Variants in CNGB1 observed in about 807,000 individuals in gnomAD.
CNGB1 encodes the protein cyclic nucleotide gated channel subunit beta 1.
In CNGB1, 126 loss-of-function variants were observed where a neutral mutation model predicts 151.7. The observed-to-expected ratio is 0.83, with a 90% CI of 0.72 to 0.96. The LOEUF (loss-of-function observed/expected upper bound fraction) is 0.96, where lower values mean the gene tolerates loss of function less well. Among genes scored for constraint, CNGB1 ranks in the 40% least tolerant of loss-of-function variants. The pLI, the probability that CNGB1 is intolerant of heterozygous loss-of-function variation, is 0.00. For missense variants in CNGB1, 1,698 were observed against 1,627.0 expected (o/e 1.04, Z -0.75); for synonymous variants, 623 against 635.1 (o/e 0.98, Z 0.29).
intron 14 of CNGB1, among the ~76,000 whole-genome samples, chr16:57,943,190 A>T (rs373631183): frequency 2.0e-5 from 3 of 152,212 alleles, no homozygotes; most frequent in African/African-American, 7.2e-5. Flanking sequence ...CTCAATTGTA[A>T]GGAAAAAAAC....
intron 32 of CNGB1, 36 bp downstream of exon 32, chr16:57,887,818 GA>G: frequency 6.2e-7 from 1 of 1,601,630 alleles, no homozygotes; most frequent in Non-Finnish European, 8.5e-7. Flanking sequence ...GACACATATT[GA>G]AATGAACGTG....
chr16:57,945,041 C>T (rs944501685), intron 14 of CNGB1, among the ~76,000 whole-genome samples: 1 of 151,148 alleles, frequency 6.6e-6, no homozygotes, highest in Non-Finnish European at 1.5e-5. Context: ...TCTCACATAA[C>T]CCTGACAGAT....
Position 57,917,440 on chromosome 16 carries a change from A to G in CNGB1, c.1994T>C (p.Met665Thr), listed in dbSNP as rs1960900900. Residue 665 changes from methionine (M) to threonine (T), a missense_variant, in exon 21 of 33, where the codon ATG (methionine) becomes ACG (threonine). Physicochemically the swap from Met to Thr is moderately conservative, Grantham distance 81. Transcript: ENST00000251102. Reference sequence around the variant, plus strand: ...CAGCCAACAGTTCCAATTCCAGGCCATCACCACGAAGAACAGCCATAGGAC... The same window carrying G: ...CAGCCAACAGTTCCAATTCCAGGCCGTCACCACGAAGAACAGCCATAGGAC... ...MYVLWLFFVV[M>T]AWNWNCWLIP... 3.1e-6 allele frequency: 5 copies of G among 1,614,040 alleles called. No individual in the cohort carries two copies. The South Asian group carries it at 4.4e-5, about 14-fold the overall frequency.
rs753253429 is a variant in CNGB1 at position 57,887,931 on chromosome 16, A to G, written c.3386T>C (p.Leu1129Pro). Residue 1129 changes from leucine (L) to proline (P), a missense_variant, in exon 32 of 33, where the codon CTT (leucine) becomes CCT (proline). Transcript: ENST00000251102. Reference sequence around the variant, plus strand: ...TTTGAGCCGGGCCCGGAGGTGAGCAAGTTTGCCGCCTTTTGCCCCCTTGCC... The same window carrying G: ...TTTGAGCCGGGCCCGGAGGTGAGCAGGTTTGCCGCCTTTTGCCCCCTTGCC... ...MGGKGAKGGKLAHLRARLKEL... is the reference protein window; with the variant it reads ...MGGKGAKGGKPAHLRARLKEL... The G allele has an allele frequency of 6.2e-7, 1 of 1,614,182 alleles. No individual in the cohort carries two copies. Among genetic ancestry groups the G allele is most frequent in the Non-Finnish European group, 8.5e-7 (1 of 1,180,032 alleles).
chr16:57,943,642 C>T (rs1471115515), intron 14 of CNGB1, among the ~76,000 whole-genome samples: 10 of 152,176 alleles, frequency 6.6e-5, no homozygotes, highest in Non-Finnish European at 1.3e-4. Context: ...TGCACTCCAG[C>T]TGTCTGTCGC....
At chr16:57,942,726 G>A (rs1350005905) in intron 14 of CNGB1, among the ~76,000 whole-genome samples, 6 of 151,966 alleles carry the variant, frequency 3.9e-5, no homozygotes, top group African/African-American at 1.4e-4. Flanking sequence ...AGCTGGGTGT[G>A]GTGGCATGTG....
At chr16:57,912,907 T>G in intron 24 of CNGB1, 23 bp downstream of exon 24, 1 of 1,610,338 alleles carries the variant, frequency 6.2e-7, no homozygotes, top group Non-Finnish European at 8.5e-7. Flanking sequence ...TGTGCATGCA[T>G]GCACATGCAG....
At chr16:57,970,204 G>A (rs992254995) in intron 1 of CNGB1, among the ~76,000 whole-genome samples, 2 of 152,172 alleles carry the variant, frequency 1.3e-5, no homozygotes, top group East Asian at 1.9e-4. Flanking sequence ...TTCCCTGAAG[G>A]TGGGGGCACA....
chr16:57,915,213 G>A, intron 23 of CNGB1, 36 bp downstream of exon 23: 3 of 1,558,570 alleles, frequency 1.9e-6, no homozygotes, highest in South Asian at 2.3e-5. Context: ...GCAGGGATGA[G>A]CTGAAGGCCT....
At chr16:57,938,429 C>T (rs1231747634) in intron 16 of CNGB1, among the ~76,000 whole-genome samples, 1 of 152,196 alleles carries the variant, frequency 6.6e-6, no homozygotes, top group Non-Finnish European at 1.5e-5. Flanking sequence ...ATCCTCGTCC[C>T]AATATTGACT....
chr16:57,961,290 C>T (rs746913895), intron 7 of CNGB1, among the ~76,000 whole-genome samples: 1 of 152,214 alleles, frequency 6.6e-6, no homozygotes, highest in East Asian at 1.9e-4. Flanking sequence ...TTAGAAGGAC[C>T]TGGTTTTGGT....
chr16:57,940,198 G>A (rs1219847460), intron 15 of CNGB1, 36 bp downstream of exon 15: 1 of 1,537,618 alleles, frequency 6.5e-7, no homozygotes, highest in Non-Finnish European at 8.8e-7. Flanking sequence ...TGCCAAGCCA[G>A]GCCTCAGAGG....
chr16:57,898,402 G>C (rs1960292865), intron 29 of CNGB1, among the ~76,000 whole-genome samples: 1 of 151,640 alleles, frequency 6.6e-6, no homozygotes, highest in African/African-American at 2.4e-5. Context: ...TTTTGAGATG[G>C]AGTCTCGCTC....
In CNGB1 at chr16:57,909,403, CT is replaced by C. The variant is rs138507440; in HGVS notation, c.2492+2349del. Among the ~76,000 whole-genome samples, 176 of 152,188 alleles carry C rather than the reference CT, an allele frequency of 1.2e-3. 2 individuals are homozygous for C. In the East Asian group the frequency reaches 0.03, roughly 26 times the overall value. ...CTGTTCATTAAAATAATTTTCTAAA[CT>C]TTTTTTTCCTGCTCTCTGTTGCCCA... is the stretch of plus-strand genomic sequence containing the variant. On this transcript the variant is annotated intron_variant, in intron 25 of 32. Coordinates refer to ENST00000251102, the MANE Select transcript of CNGB1 (RefSeq NM_001297.5).
chr16:57,899,793 C>T (rs1386659979), intron 29 of CNGB1, among the ~76,000 whole-genome samples: 2 of 152,158 alleles, frequency 1.3e-5, no homozygotes, highest in Admixed American at 6.6e-5. Context: ...GGTTTGCCTC[C>T]ATGTTTCTGT....
chr16:57,889,004 G>A (rs969504808), intron 31 of CNGB1, among the ~76,000 whole-genome samples: 11 of 152,198 alleles, frequency 7.2e-5, no homozygotes, highest in South Asian at 2.1e-4. Context: ...TGGTGTTCAC[G>A]CCTCTGTGTG....
In CNGB1 at chr16:57,958,419, T is replaced by A; in HGVS notation, c.828A>T (p.Ile276=). 6.3e-7 allele frequency: 1 copy of A among 1,581,050 alleles called. No homozygotes were observed. The change falls in exon 11 of 33, where the codon ATA becomes ATT. Residue 276 remains isoleucine (I), a synonymous_variant. Transcript: ENST00000251102. ...TGAGCCCAGCACTGACCTGTTCCCC[T>A]ATTTTCCCATGTAGCACTGGCTGCG... ...ALPQPVLHGK[I]GEQEPDSPGI... is the part of the protein sequence containing the mutation.
chr16:57,960,145 T>A, intron 9 of CNGB1, 80 bp from the exon 10 acceptor site: 1 of 1,525,104 alleles, frequency 6.6e-7, no homozygotes, highest in Non-Finnish European at 8.8e-7. Context: ...CGGGGCCAGA[T>A]TCGAGTCGCT....
At position 57,960,057 on chromosome 16, in the gene CNGB1, C is replaced by T; in HGVS notation, c.592G>A (p.Gly198Arg). The T allele has an allele frequency of 6.4e-7, 1 of 1,554,378 alleles. No individual in the cohort carries two copies. The highest frequency in any genetic ancestry group is 8.7e-7 in the Non-Finnish European group (1 of 1,154,358). The change falls in exon 10 of 33, where the codon GGA (glycine) becomes AGA (arginine). Residue 198 changes from glycine (G) to arginine (R), a missense_variant. Gly to Arg is a moderately radical substitution (Grantham distance 125). Transcript: ENST00000251102. The stretch of plus-strand genomic sequence containing the variant: ...TTGGGCCCCATTTCCTGGGGGCGTC[C>T]TGGAGGCGCTAAGCAGCGGGGAAAG... ...TGAASDPAPP[G>R]RPQEMGPKLQ...
Sources: allele counts gnomAD v4.1 joint callset (sites outside exome capture counted in the v4.1 genomes callset), GRCh38; gene constraint gnomAD v4.1.1; transcripts MANE v1.5; gene names NCBI Gene and HGNC (gene_info 2026-07-23, HGNC 2026-07-21).